Variants in DIDO1 observed in about 807,000 individuals in gnomAD.
DIDO1 encodes the protein death-inducer obliterator 1.
Under a neutral mutation model 99.4 loss-of-function variants are expected in DIDO1, and 16 were observed. That is an observed-to-expected ratio of 0.16 (90% CI 0.11 to 0.24). The LOEUF (loss-of-function observed/expected upper bound fraction) is 0.24. Among genes scored for constraint, DIDO1 ranks in the 10% least tolerant of loss-of-function variants. The probability of loss-of-function intolerance (pLI) is 1.00; values close to 1 mark genes in which losing one functional copy is unlikely to be tolerated. For missense variants in DIDO1, 2,996 were observed against 3,014.0 expected, an observed-to-expected ratio of 0.99 and a Z score of 0.14; for synonymous variants, 1,366 against 1,239.1, an observed-to-expected ratio of 1.10 and a Z score of -2.15.
intron 2 of DIDO1, among the ~76,000 whole-genome samples, chr20:62,913,463 T>C (rs1176827856): frequency 1.3e-5 from 2 of 152,200 alleles, no homozygotes; most frequent in Non-Finnish European, 2.9e-5. Context: ...CCTCAAAGAT[T>C]AAGGGCAAAG....
rs1399446143 is a variant in DIDO1, at chr20:62,896,953, C to T, written c.1632G>A (p.Met544Ile). 3.1e-6 allele frequency: 5 copies of T among 1,613,576 alleles called. No homozygotes were observed. The highest frequency in any genetic ancestry group is 3.3e-5 in the Admixed American group (2 of 59,964). ...DRRSEEKAAA[M>I]AASKKTAPPG... ...GAGGGGCTGTTTTCTTTGAGGCTGC[C>T]ATGGCTGCCGCTTTCTCCTCGGACC... Residue 544 changes from methionine to isoleucine, a missense_variant, in exon 7 of 16, where the codon ATG (methionine) becomes ATA (isoleucine). Coordinates refer to ENST00000395343, the MANE Select transcript of DIDO1 (RefSeq NM_001193369.2). This position sits in a 1 kb window ranked among gnomAD's most constrained non-coding sequence, Gnocchi z 4.4.
chr20:62,905,225 C>A (rs1444625513), intron 6 of DIDO1: 1 of 1,239,514 alleles, frequency 8.1e-7, no homozygotes, highest in Admixed American at 3.6e-5. Flanking sequence ...GTCCTGCGGT[C>A]AGGACAGTGT....
intron 5 of DIDO1, among the ~76,000 whole-genome samples, 164 bp from the exon 6 acceptor site, chr20:62,906,264 T>C (rs2064802591): frequency 6.6e-6 from 1 of 152,232 alleles, no homozygotes; most frequent in African/African-American, 2.4e-5. Context: ...CACTTGCGTA[T>C]TCGGTGGGCC....
At chr20:62,918,950 A>C (rs1180467582) in intron 1 of DIDO1, among the ~76,000 whole-genome samples, 1 of 152,158 alleles carries the variant, frequency 6.6e-6, no homozygotes, top group African/African-American at 2.4e-5. Flanking sequence ...TGCGACAGTC[A>C]CTAGGAGAAT....
chr20:62,937,579 G>A (rs1235214116), intron 1 of DIDO1, among the ~76,000 whole-genome samples: 3 of 152,224 alleles, frequency 2.0e-5, no homozygotes, highest in East Asian at 1.9e-4. Flanking sequence ...CTCGAGTAAA[G>A]CGGGGGAACT....
chr20:62,909,805 C>G lies in DIDO1; in HGVS notation c.1055G>C (p.Ser352Thr), dbSNP rs1236228047. 6.2e-7 allele frequency: 1 copy of G among 1,614,252 alleles called. No homozygotes were observed. The highest frequency in any genetic ancestry group is 1.7e-5 in the Admixed American group (1 of 60,026). The change falls in exon 4 of 16, where the codon AGT becomes ACT. Residue 352 changes from serine (S) to threonine (T), a missense_variant. Ser to Thr is a moderately conservative substitution (Grantham distance 58). Around this residue, in one of 5 missense-constraint regions of DIDO1, gnomAD observed 898 missense variants for 972.7 expected, o/e 0.92. Coordinates refer to ENST00000395343, the MANE Select transcript of DIDO1 (RefSeq NM_001193369.2). Reference protein sequence around the residue: ...PGDADGTDCTSIGTIEQKSSE... With the variant: ...PGDADGTDCTTIGTIEQKSSE... ...AGACTTCTGCTCTATTGTTCCTATA[C>G]TTGTACAATCGGTGCCATCAGCATC... is the stretch of plus-strand genomic sequence containing the variant.
intron 15 of DIDO1, chr20:62,888,783 G>A (rs1037099113): frequency 2.0e-6 from 2 of 985,362 alleles, no homozygotes; most frequent in African/African-American, 1.7e-5. Context: ...CCGAGTACCC[G>A]ATGGCCTGGC....
rs750404254 is a variant in DIDO1, at chr20:62,879,292, G to C, written c.6664C>G (p.Arg2222Gly). The stretch of plus-strand genomic sequence containing the variant: ...CTCGAGGCCTCGGGCTTCGGGTCCC[G>C]AGCGCTCTCTTTGCTCTTGCTCCGG... ...KDRSKSKESARDPKPEASRAS... is the reference protein window; with the variant it reads ...KDRSKSKESAGDPKPEASRAS... Residue 2222 changes from arginine (R) to glycine (G), a missense_variant, in exon 16 of 16, where the codon CGG becomes GGG. Physicochemically the swap from Arg to Gly is moderately radical, Grantham distance 125 (BLOSUM62 -2). Coordinates refer to ENST00000395343, the MANE Select transcript of DIDO1 (RefSeq NM_001193369.2). This position sits in a 1 kb window ranked among gnomAD's most constrained non-coding sequence, Gnocchi z 6.3. 1.3e-6 allele frequency: 2 copies of C among 1,579,472 alleles called. No homozygotes were observed. The highest frequency in any genetic ancestry group is 2.3e-5 in the East Asian group (1 of 43,110).
chr20:62,893,344 G>A (rs1445445084), intron 12 of DIDO1, among the ~76,000 whole-genome samples: 4 of 152,284 alleles, frequency 2.6e-5, no homozygotes, highest in East Asian at 3.9e-4. Flanking sequence ...AAAAGTGAAC[G>A]CTTGCAAGTT....
At position 62,911,004 on chromosome 20, in the gene DIDO1, G is replaced by C; in HGVS notation, c.609C>G (p.Ser203=). 1 of 1,614,008 alleles carries C rather than the reference G, an allele frequency of 6.2e-7. No individual in the cohort carries two copies. Among genetic ancestry groups the C allele is most frequent in the Non-Finnish European group, 8.5e-7 (1 of 1,180,018 alleles). ...REEGPAETVG[S]EASDTVEGVL... ...CGCCCTCCACAGTGTCACTGGCCTC[G>C]GAGCCCACAGTCTCGGCGGGACCCT... Residue 203 remains serine (S), a synonymous_variant, in exon 3 of 16, where the codon TCC becomes TCG. Transcript: ENST00000395343. This position sits in a 1 kb window ranked among gnomAD's most constrained non-coding sequence, Gnocchi z 7.0.
intron 15 of DIDO1, chr20:62,890,086 G>A (rs772019298): frequency 4.5e-5 from 44 of 985,452 alleles, no homozygotes; most frequent in Middle Eastern, 5.2e-4. Context: ...AGGAACACCC[G>A]CCGAGGCCTG....
At chr20:62,935,156 A>G (rs2065369162) in intron 1 of DIDO1, among the ~76,000 whole-genome samples, 1 of 152,150 alleles carries the variant, frequency 6.6e-6, no homozygotes, top group South Asian at 2.1e-4. Flanking sequence ...CCACCTCATC[A>G]GCTGGGCTAC....
chr20:62,922,051 T>A (rs202198013), intron 1 of DIDO1, among the ~76,000 whole-genome samples: 1 of 122,348 alleles, frequency 8.2e-6, no homozygotes, highest in Non-Finnish European at 1.7e-5. Context: ...ATACACACAA[T>A]ATATATATAC....
chr20:62,890,418 C>T (rs1476200454), intron 15 of DIDO1: 24 of 989,176 alleles, frequency 2.4e-5, no homozygotes, highest in Non-Finnish European at 2.8e-5. Context: ...TTCCAAGGAA[C>T]GTGCAAACAC....
chr20:62,917,990 T>C (rs954594412), intron 1 of DIDO1, among the ~76,000 whole-genome samples: 1 of 152,136 alleles, frequency 6.6e-6, no homozygotes, highest in Non-Finnish European at 1.5e-5. Context: ...AGTTTAGGAG[T>C]ACACTGGATA....
At chr20:62,907,788 T>TACC (rs1568865107) in intron 4 of DIDO1, among the ~76,000 whole-genome samples, 1 of 152,204 alleles carries the variant, frequency 6.6e-6, no homozygotes, top group Non-Finnish European at 1.5e-5. Flanking sequence ...AAAAAGGAAC[T>TACC]GGGTCTTTCA....
chr20:62,925,104 CACAT>C (rs1284539705), intron 1 of DIDO1, among the ~76,000 whole-genome samples: 3 of 152,144 alleles, frequency 2.0e-5, no homozygotes, highest in African/African-American at 7.2e-5. Context: ...GTCACAGACA[CACAT>C]ACACTAACAG....
intron 1 of DIDO1, among the ~76,000 whole-genome samples, chr20:62,922,562 G>GT (rs1269942024): frequency 6.6e-6 from 1 of 152,076 alleles, no homozygotes; most frequent in Non-Finnish European, 1.5e-5. Flanking sequence ...GGGCCACAGG[G>GT]TATCAGGCAG....
At position 62,894,604 on chromosome 20, in the gene DIDO1, A is replaced by C; in HGVS notation, c.2437-56T>G. On this transcript the variant is annotated intron_variant, in intron 10 of 15. Transcript: ENST00000395343. This position sits in a 1 kb window ranked among gnomAD's most constrained non-coding sequence, Gnocchi z 4.4. ...CGTTTCTTCTCCAAACTCAGCTCCA[A>C]ATTAACCACACACAAGAAAAGCAGT... 1 of 1,581,582 alleles carries C rather than the reference A, an allele frequency of 6.3e-7. No individual in the cohort carries two copies. Among genetic ancestry groups the C allele is most frequent in the Non-Finnish European group, 8.6e-7 (1 of 1,168,606 alleles).
Sources: gnomAD v4.1 joint callset for allele counts (sites outside exome capture counted in the v4.1 genomes callset) on GRCh38, gnomAD v4.1.1 for gene constraint, gnomAD v4.1.1 regional missense constraint, Gnocchi (gnomAD v3.1) non-coding constraint, MANE v1.5 for transcripts, NCBI Gene and HGNC (gene_info 2026-07-23, HGNC 2026-07-21) for gene names.